The following RPAP1 variants were observed in gnomAD, a reference collection of about 807,000 sequenced individuals.
RPAP1 encodes RNA polymerase II associated protein 1, also known as RNA polymerase II-associated protein 1.
In RPAP1, 109 loss-of-function variants were observed where a neutral mutation model predicts 142.4. The observed-to-expected ratio is 0.77, with a 90% CI of 0.66 to 0.90. RPAP1 has a LOEUF of 0.90. RPAP1 is among the 40% of genes least tolerant of loss of function. The pLI, the probability that RPAP1 is intolerant of heterozygous loss-of-function variation, is 0.00. For missense variants in RPAP1, 1,546 were observed against 1,751.7 expected (o/e 0.88, Z 2.10); for synonymous variants, 704 against 738.9 (o/e 0.95, Z 0.77).
intron 2 of RPAP1, 65 bp from the exon 3 acceptor site, chr15:41,536,714 G>T (rs1189336891): frequency 1.3e-6 from 2 of 1,568,254 alleles, no homozygotes; most frequent in African/African-American, 2.7e-5. Context: ...CTGCAGGCTA[G>T]GGAAGAAAGA....
chr15:41,537,494 G>T (rs575514597), intron 1 of RPAP1, among the ~76,000 whole-genome samples: 2 of 152,116 alleles, frequency 1.3e-5, no homozygotes, highest in African/African-American at 4.8e-5. Context: ...TGTCATAATG[G>T]GGGGGTGATG....
intron 1 of RPAP1, among the ~76,000 whole-genome samples, chr15:41,540,716 G>A (rs1451733670): frequency 6.6e-6 from 1 of 152,190 alleles, no homozygotes; most frequent in Non-Finnish European, 1.5e-5. Flanking sequence ...ATCCCAGTCA[G>A]TCCATGCTCT....
intron 17 of RPAP1, among the ~76,000 whole-genome samples, 191 bp from the exon 18 acceptor site, chr15:41,523,545 G>A (rs909832274): frequency 6.6e-6 from 1 of 152,234 alleles, no homozygotes; most frequent in Admixed American, 6.5e-5. Context: ...ACAGGCTACA[G>A]GAAGGCTGAG....
At position 41,521,697 on chromosome 15, in the gene RPAP1, G is replaced by A. The variant is rs535751812; in HGVS notation, c.3038+41C>T. On this transcript the variant is annotated intron_variant, in intron 21 of 24. Transcript: ENST00000304330. ...CTGCTCTGTTAACAACTGCAGCAGC[G>A]TCCAAAAGGGCTGAGTTGATGCCAC... 78 of 1,608,822 alleles carry A rather than the reference G, an allele frequency of 4.8e-5. 1 individual carries two copies. The highest frequency in any genetic ancestry group is 4.1e-4 in the South Asian group (37 of 90,442).
intron 18 of RPAP1, 105 bp downstream of exon 18, chr15:41,523,140 A>G (rs2051748307): frequency 5.0e-6 from 5 of 991,772 alleles, no homozygotes; most frequent in Non-Finnish European, 6.0e-6. Context: ...CCTCGGGCCG[A>G]GGGCCTGCAC....
intron 5 of RPAP1, 29 bp downstream of exon 5, chr15:41,535,483 A>C: frequency 6.3e-7 from 1 of 1,576,018 alleles, no homozygotes; most frequent in South Asian, 1.2e-5. Context: ...TAAAAAGGCC[A>C]AGCCCAATCC....
chr15:41,518,101 T>C lies in RPAP1; in HGVS notation c.3877A>G (p.Thr1293Ala). ...CACCAACGTGGGCGGAGCGCACCAGTAACCAGGGTCCGGAAGTAGAGCTGA... is the reference window on the plus strand; with the variant it reads ...CACCAACGTGGGCGGAGCGCACCAGCAACCAGGGTCCGGAAGTAGAGCTGA... ...LLQLYFRTLV[T>A]GALRPRWCPV... Residue 1293 changes from threonine to alanine, a missense_variant, in exon 23 of 25, where the codon ACT (threonine) becomes GCT (alanine). Around this residue, in one of 3 missense-constraint regions of RPAP1, gnomAD observed 210 missense variants for 248.0 expected, o/e 0.85. Coordinates refer to ENST00000304330, the MANE Select transcript of RPAP1 (RefSeq NM_015540.4). 6.2e-7 allele frequency: 1 copy of C among 1,608,416 alleles called. No individual in the cohort carries two copies. Among genetic ancestry groups the C allele is most frequent in the African/African-American group, 1.3e-5 (1 of 74,584 alleles).
chr15:41,524,090 A>C lies in RPAP1; in HGVS notation c.2234+6T>G. 1 of 1,590,192 alleles carries C rather than the reference A, an allele frequency of 6.3e-7. No homozygotes were observed. Among genetic ancestry groups the C allele is most frequent in the South Asian group, 1.1e-5 (1 of 87,484 alleles). ...ACCTGTCCTGTGGGTCCTGGCTATA[A>C]ACTACCTGATGGTTTCAGCAGGGGT... On this transcript the variant is annotated splice_donor_region_variant and intron_variant, in intron 16 of 24. Coordinates refer to ENST00000304330, the MANE Select transcript of RPAP1 (RefSeq NM_015540.4).
chr15:41,530,867 T>C (rs1340399428), intron 7 of RPAP1, among the ~76,000 whole-genome samples, 156 bp downstream of exon 7: 1 of 152,196 alleles, frequency 6.6e-6, no homozygotes, highest in Non-Finnish European at 1.5e-5. Context: ...AAGACATGCA[T>C]CAGCAATGAA....
intron 22 of RPAP1, chr15:41,520,102 T>G: frequency 5.7e-6 from 2 of 353,464 alleles, no homozygotes; most frequent in South Asian, 3.0e-5. Context: ...CCCAGCTAAG[T>G]TTTGTATTTT....
In RPAP1 at chr15:41,518,159, G is replaced by A; in HGVS notation, c.3819C>T (p.Tyr1273=). The change falls in exon 23 of 25, where the codon TAC becomes TAT. Residue 1273 remains tyrosine, a synonymous_variant. Coordinates refer to ENST00000304330, the MANE Select transcript of RPAP1 (RefSeq NM_015540.4). ...CCAGGTTGTCTTCAGGAGGCACTGT[G>A]TAACACTCCAGGGACACAGGCAACT... is the stretch of plus-strand genomic sequence containing the variant. ...LTQLPVSLEC[Y]TVPPEDNLAL... 6.3e-7 allele frequency: 1 copy of A among 1,581,632 alleles called. No individual in the cohort carries two copies. Among genetic ancestry groups the A allele is most frequent in the Non-Finnish European group, 8.6e-7 (1 of 1,169,146 alleles).
Position 41,517,544 on chromosome 15 carries a change from A to C in RPAP1, c.4180T>G (p.Ter1394GluextTer3), listed in dbSNP as rs773958422. 6.4e-7 allele frequency: 1 copy of C among 1,556,574 alleles called. No individual in the cohort carries two copies. The highest frequency in any genetic ancestry group is 8.7e-7 in the Non-Finnish European group (1 of 1,152,172). ...TVLQNGVSET* is the reference protein window; with the variant it reads ...TVLQNGVSETE ...TCTTTCCATCTATATCAACTATCCT[A>C]GGTCTCTGATACCCCATTTTGGAGC... is the stretch of plus-strand genomic sequence containing the variant. The change falls in exon 25 of 25, where the codon TAG becomes GAG. Residue 1394 changes from the stop codon to glutamate (E), a stop_lost. Coordinates refer to ENST00000304330, the MANE Select transcript of RPAP1 (RefSeq NM_015540.4).
intron 1 of RPAP1, among the ~76,000 whole-genome samples, chr15:41,539,327 T>C (rs568583399): frequency 7.9e-5 from 12 of 151,690 alleles, no homozygotes; most frequent in African/African-American, 2.2e-4. Flanking sequence ...GGAGTTTTGC[T>C]CTTGTTGCCC....
At chr15:41,544,108 C>T (rs995880705) in intron 1 of RPAP1, 111 bp downstream of exon 1, 4 of 152,308 alleles carry the variant, frequency 2.6e-5, no homozygotes, top group African/African-American at 7.2e-5. Flanking sequence ...CACAGTTGCT[C>T]CCTTACAGAC....
rs574145630 is a variant in RPAP1, at chr15:41,520,395, G to A, written c.3791C>T (p.Thr1264Ile). Residue 1264 changes from threonine (T) to isoleucine (I), a missense_variant, in exon 22 of 25, where the codon ACC becomes ATC. Thr to Ile is a moderately conservative substitution (Grantham distance 89). This residue lies in a region of RPAP1 where 210 missense variants were observed against 248.0 expected (regional missense o/e 0.85). Transcript: ENST00000304330. ...GALRALSLPL[T>I]QLPVSLECYT... ...CCTGCTGGGCTGAGAAAGTACCTGG[G>A]TCAGAGGCAGGCTCAGAGCTCGCAA... is the stretch of plus-strand genomic sequence containing the variant. The A allele has an allele frequency of 1.6e-5, 26 of 1,613,534 alleles. 1 individual carries two copies. The South Asian group carries it at 2.9e-4, about 18-fold the overall frequency.
At chr15:41,524,960 TA>T in intron 15 of RPAP1, 30 bp downstream of exon 15, 1 of 1,606,784 alleles carries the variant, frequency 6.2e-7, no homozygotes, top group Non-Finnish European at 8.5e-7. Context: ...TGAAGGTGTC[TA>T]GGGGGAGCCT....
Position 41,531,162 on chromosome 15 carries a change from C to T in RPAP1, c.804G>A (p.Thr268=), listed in dbSNP as rs149781432. 23 of 1,613,414 alleles carry T rather than the reference C, an allele frequency of 1.4e-5. No homozygotes were observed. Among genetic ancestry groups the T allele is most frequent in the Non-Finnish European group, 1.9e-5 (22 of 1,179,594 alleles). The change falls in exon 7 of 25, where the codon ACG becomes ACA. Residue 268 remains threonine, a synonymous_variant. Coordinates refer to ENST00000304330, the MANE Select transcript of RPAP1 (RefSeq NM_015540.4). ...AGGCTGTCTCTCCTGTTTGCTCTTG[C>T]GTGTGGCTGTGAGATCTCAAGAAAG... ...LVAFLRSHSH[T]QEQTGETASE...
chr15:41,537,535 G>T (rs1250117219), intron 1 of RPAP1, among the ~76,000 whole-genome samples: 1 of 152,054 alleles, frequency 6.6e-6, no homozygotes, highest in Non-Finnish European at 1.5e-5. Context: ...GAACATGCTT[G>T]GCCTAAAGGT....
chr15:41,520,671 T>A lies in RPAP1; in HGVS notation c.3515A>T (p.Glu1172Val). 2.5e-6 allele frequency: 4 copies of A among 1,613,962 alleles called. No individual in the cohort carries two copies. The highest frequency in any genetic ancestry group is 1.3e-5 in the African/African-American group (1 of 74,896). Residue 1172 changes from glutamate (E) to valine (V), a missense_variant, in exon 22 of 25, where the codon GAG becomes GTG. Physicochemically the swap from Glu to Val is moderately radical, Grantham distance 121 (BLOSUM62 -2). Coordinates refer to ENST00000304330, the MANE Select transcript of RPAP1 (RefSeq NM_015540.4). The part of the protein sequence containing the change: ...VFLVDSELFR[E>V]SPVQHLVAAL... ...TGCCACCAGATGCTGTACTGGGGAC[T>A]CCCGGAACAGCTCACTGTCCACCAG...
Sources: gnomAD v4.1 joint callset for allele counts (sites outside exome capture counted in the v4.1 genomes callset) on GRCh38, gnomAD v4.1.1 for gene constraint, gnomAD v4.1.1 regional missense constraint, MANE v1.5 for transcripts, NCBI Gene and HGNC (gene_info 2026-07-23, HGNC 2026-07-21) for gene names.